Variants in ANKRD33B observed in about 807,000 individuals in gnomAD.
ANKRD33B encodes ankyrin repeat domain-containing protein 33B.
ANKRD33B carries 6 observed loss-of-function variants against 21.5 expected under a neutral mutation model. The ratio of observed to expected loss-of-function variants is 0.28; its 90% CI spans 0.15 to 0.55. The LOEUF is 0.55. ANKRD33B is among the 20% of genes least tolerant of loss of function. The pLI is 0.94. For missense variants in ANKRD33B, 698 were observed against 747.2 expected, an observed-to-expected ratio of 0.93 and a Z score of 0.77; for synonymous variants, 347 against 342.4, an observed-to-expected ratio of 1.01 and a Z score of -0.15.
chr5:10,582,460 C>T (rs1008189552), intron 1 of ANKRD33B, among the ~76,000 whole-genome samples: 1 of 152,192 alleles, frequency 6.6e-6, no homozygotes, highest in Non-Finnish European at 1.5e-5. Flanking sequence ...AGTGCTATAA[C>T]CCCCCGCCCT....
chr5:10,578,082 G>A (rs1018698483), intron 1 of ANKRD33B, among the ~76,000 whole-genome samples: 16 of 152,350 alleles, frequency 1.1e-4, no homozygotes, highest in African/African-American at 3.6e-4. Context: ...AACTGCACCA[G>A]GCCATCTCTG....
intron 1 of ANKRD33B, among the ~76,000 whole-genome samples, chr5:10,575,268 C>T (rs1735293874): frequency 6.6e-6 from 1 of 151,942 alleles, no homozygotes. Flanking sequence ...ACTGAAAATA[C>T]AAAAATTAGC....
chr5:10,586,897 G>T (rs1401532635), intron 1 of ANKRD33B, among the ~76,000 whole-genome samples: 1 of 152,214 alleles, frequency 6.6e-6, no homozygotes, highest in African/African-American at 2.4e-5. Flanking sequence ...ACTTAGCTAA[G>T]AAATTGGGAG....
chr5:10,594,179 C>T (rs972309874), intron 1 of ANKRD33B, among the ~76,000 whole-genome samples: 1 of 150,710 alleles, frequency 6.6e-6, no homozygotes, highest in Non-Finnish European at 1.5e-5. Flanking sequence ...TGATTGATCT[C>T]CAATACTGCA....
At chr5:10,621,713 T>C (rs931672512) in intron 2 of ANKRD33B, among the ~76,000 whole-genome samples, 2 of 152,224 alleles carry the variant, frequency 1.3e-5, no homozygotes, top group Non-Finnish European at 2.9e-5. Context: ...TGCTAATAGA[T>C]GCAAAACTGG....
intron 1 of ANKRD33B, among the ~76,000 whole-genome samples, chr5:10,574,780 C>T (rs1735279975): frequency 6.6e-6 from 1 of 151,896 alleles, no homozygotes; most frequent in Non-Finnish European, 1.5e-5. Context: ...GAATGTCATC[C>T]TATTAAACTT....
intron 1 of ANKRD33B, among the ~76,000 whole-genome samples, chr5:10,602,257 A>T (rs1240495694): frequency 6.6e-6 from 1 of 152,238 alleles, no homozygotes; most frequent in African/African-American, 2.4e-5. Flanking sequence ...GACAAAAGTA[A>T]TTGCAGGCTC....
At chr5:10,631,968 G>C (rs1011507053) in intron 2 of ANKRD33B, among the ~76,000 whole-genome samples, 1 of 152,194 alleles carries the variant, frequency 6.6e-6, no homozygotes, top group African/African-American at 2.4e-5. Flanking sequence ...CAGTGGAGGA[G>C]TCTTTAGAAC....
chr5:10,615,186 C>CTTTAA (rs1179913303), intron 1 of ANKRD33B, among the ~76,000 whole-genome samples: 3 of 152,168 alleles, frequency 2.0e-5, no homozygotes, highest in African/African-American at 7.2e-5. Context: ...AACCTGAGCC[C>CTTTAA]TTTAAGTGCA....
intron 1 of ANKRD33B, among the ~76,000 whole-genome samples, chr5:10,605,259 C>T (rs1289564599): frequency 6.6e-6 from 1 of 152,220 alleles, no homozygotes; most frequent in Non-Finnish European, 1.5e-5. Context: ...CACACCATTA[C>T]TCCTGCCATA....
chr5:10,570,297 C>G (rs1180028625), intron 1 of ANKRD33B, among the ~76,000 whole-genome samples: 2 of 152,212 alleles, frequency 1.3e-5, no homozygotes, highest in Admixed American at 6.5e-5. Context: ...GGTGGCCTAT[C>G]TCAGCTGATG....
chr5:10,574,858 C>G (rs371862507), intron 1 of ANKRD33B, among the ~76,000 whole-genome samples: 33,689 of 55,152 alleles, frequency 0.61, 12,061 homozygotes, highest in East Asian at 0.85. Context: ...AGCGGGAGAG[C>G]TGCTTAAGGC....
chr5:10,616,238 C>G (rs1458073716), intron 1 of ANKRD33B, among the ~76,000 whole-genome samples: 3 of 152,044 alleles, frequency 2.0e-5, no homozygotes, highest in Non-Finnish European at 2.9e-5. Flanking sequence ...CAGGGCTACT[C>G]GAGTCCTCTT....
At chr5:10,583,670 C>G (rs2126554680) in intron 1 of ANKRD33B, among the ~76,000 whole-genome samples, 1 of 152,094 alleles carries the variant, frequency 6.6e-6, no homozygotes, top group African/African-American at 2.4e-5. Context: ...GCTGCTCTCT[C>G]CTGCCTCTTC....
At chr5:10,638,545 G>C (rs1736929602) in intron 3 of ANKRD33B, among the ~76,000 whole-genome samples, 1 of 152,252 alleles carries the variant, frequency 6.6e-6, no homozygotes, top group African/African-American at 2.4e-5. Context: ...CGTAGGGATG[G>C]TGGGAACGGC....
At chr5:10,577,052 C>A (rs921210387) in intron 1 of ANKRD33B, among the ~76,000 whole-genome samples, 1 of 151,964 alleles carries the variant, frequency 6.6e-6, no homozygotes, top group Non-Finnish European at 1.5e-5. Flanking sequence ...GGTCACAAGC[C>A]TTTCCTCTTT....
intron 2 of ANKRD33B, among the ~76,000 whole-genome samples, chr5:10,620,238 C>T (rs1024595430): frequency 1.3e-5 from 2 of 151,912 alleles, no homozygotes; most frequent in African/African-American, 4.8e-5. Flanking sequence ...GGTGGTGATG[C>T]GGGCCATGGA....
intron 2 of ANKRD33B, among the ~76,000 whole-genome samples, chr5:10,635,396 C>G (rs1293022702): frequency 6.6e-6 from 1 of 152,198 alleles, no homozygotes; most frequent in East Asian, 1.9e-4. Flanking sequence ...GGGTACCTGA[C>G]AGCTGGCCTT....
intron 1 of ANKRD33B, among the ~76,000 whole-genome samples, chr5:10,596,123 AC>A (rs1230639296): frequency 6.6e-6 from 1 of 152,140 alleles, no homozygotes; most frequent in African/African-American, 2.4e-5. Flanking sequence ...ATGTACCAGC[AC>A]CCTTTAAAAT....
Sources: allele counts gnomAD v4.1 joint callset (sites outside exome capture counted in the v4.1 genomes callset), GRCh38; gene constraint gnomAD v4.1.1; transcripts MANE v1.5; gene names NCBI Gene and HGNC (gene_info 2026-07-23, HGNC 2026-07-21).